PTPRZ1: variants seen among roughly 807,000 people sequenced by gnomAD.
The protein encoded by PTPRZ1 is receptor-type tyrosine-protein phosphatase zeta.
A neutral mutation model predicts 214.1 loss-of-function variants in PTPRZ1; 82 were observed. The observed-to-expected ratio is 0.38, with a 90% confidence interval of 0.32 to 0.46. The LOEUF (loss-of-function observed/expected upper bound fraction) is 0.46. PTPRZ1 is among the 20% of genes least tolerant of loss of function. The pLI is 1.00. For synonymous variants in PTPRZ1, 945 were observed against 987.9 expected (o/e 0.96, Z 0.81); for missense variants, 2,603 against 2,748.7 (o/e 0.95, Z 1.19).
chr7:121,948,856 C>T (rs1458947085), intron 2 of PTPRZ1, among the ~76,000 whole-genome samples: 1 of 151,686 alleles, frequency 6.6e-6, no homozygotes, highest in Non-Finnish European at 1.5e-5. Context: ...AGTGTTTTCA[C>T]CCAGAAAGTG....
intron 10 of PTPRZ1, among the ~76,000 whole-genome samples, chr7:122,001,261 ATT>A (rs1217421982): frequency 6.6e-6 from 1 of 152,172 alleles, no homozygotes; most frequent in Non-Finnish European, 1.5e-5. Flanking sequence ...AGGAATGTAT[ATT>A]CTTTTAAAAG....
rs1797821176 is a variant in PTPRZ1, at chr7:121,988,137, T to TAAAGA, written c.928+4020_928+4021insAAAGA. Among the ~76,000 whole-genome samples, 3 of 152,176 alleles carry TAAAGA rather than the reference T, an allele frequency of 2.0e-5. No individual in the cohort carries two copies. In the South Asian group the frequency reaches 6.2e-4, roughly 32 times the overall value. On this transcript the variant is annotated intron_variant, in intron 8 of 29. Transcript: ENST00000393386. The stretch of plus-strand genomic sequence containing the variant: ...TTTTAGTATTCTCATGTAACAAACC[T>TAAAGA]GCATATGTGCTCTTCTATCTAAAAT...
intron 2 of PTPRZ1, among the ~76,000 whole-genome samples, chr7:121,948,003 A>G (rs1295802569): frequency 6.6e-6 from 1 of 152,142 alleles, no homozygotes; most frequent in Non-Finnish European, 1.5e-5. Context: ...CACATTTGTG[A>G]AATGCATTTT....
chr7:122,031,377 A>G, intron 14 of PTPRZ1, 97 bp from the exon 15 acceptor site: 1 of 830,770 alleles, frequency 1.2e-6, no homozygotes, highest in Non-Finnish European at 2.0e-6. Flanking sequence ...AGAATTATAC[A>G]AATAATTGAA....
At chr7:121,913,090 A>G (rs1288360110) in intron 1 of PTPRZ1, among the ~76,000 whole-genome samples, 1 of 152,188 alleles carries the variant, frequency 6.6e-6, no homozygotes, top group East Asian at 1.9e-4. Context: ...ATGACACAGT[A>G]AACAAATATT....
At chr7:122,032,928 A>G (rs1041005895) in intron 15 of PTPRZ1, among the ~76,000 whole-genome samples, 2 of 152,230 alleles carry the variant, frequency 1.3e-5, no homozygotes, top group Admixed American at 1.3e-4. Flanking sequence ...TATAGTGTTA[A>G]CTCAATGTTA....
chr7:121,918,495 A>T (rs1795491556), intron 1 of PTPRZ1, among the ~76,000 whole-genome samples: 1 of 152,120 alleles, frequency 6.6e-6, no homozygotes, highest in South Asian at 2.1e-4. Flanking sequence ...CTATTATTTC[A>T]TAAGCTTAAC....
chr7:122,050,055 C>G (rs1283973594), intron 23 of PTPRZ1, among the ~76,000 whole-genome samples: 2 of 152,134 alleles, frequency 1.3e-5, no homozygotes, highest in African/African-American at 4.8e-5. Context: ...CATTGTATCT[C>G]TACCACTCCT....
intron 13 of PTPRZ1, among the ~76,000 whole-genome samples, chr7:122,021,126 A>G (rs988960501): frequency 2.0e-5 from 3 of 151,884 alleles, no homozygotes; most frequent in African/African-American, 7.3e-5. Flanking sequence ...CAAAGTTCCA[A>G]TAAAGATGTC....
At chr7:122,045,904 T>G (rs1217483868) in intron 23 of PTPRZ1, among the ~76,000 whole-genome samples, 1 of 152,112 alleles carries the variant, frequency 6.6e-6, no homozygotes, top group African/African-American at 2.4e-5. Flanking sequence ...GGAAATGTAT[T>G]TGTGTGTATG....
At chr7:121,884,279 T>C (rs962070511) in intron 1 of PTPRZ1, among the ~76,000 whole-genome samples, 1 of 152,112 alleles carries the variant, frequency 6.6e-6, no homozygotes, top group Non-Finnish European at 1.5e-5. Context: ...GTATGTTATA[T>C]GGAAACATAT....
chr7:122,035,253 A>G (rs1298603853), intron 17 of PTPRZ1, among the ~76,000 whole-genome samples: 1 of 152,136 alleles, frequency 6.6e-6, no homozygotes, highest in Non-Finnish European at 1.5e-5. Flanking sequence ...TACTATCATG[A>G]TCTCTTATAT....
At chr7:122,034,442 T>G (rs1471956855) in intron 17 of PTPRZ1, 64 bp downstream of exon 17, 19 of 1,447,118 alleles carry the variant, frequency 1.3e-5, no homozygotes, top group Non-Finnish European at 1.6e-5. Flanking sequence ...CTTTTAAAAG[T>G]GTCCTGAAGT....
At chr7:121,930,808 T>C (rs1795897720) in intron 2 of PTPRZ1, among the ~76,000 whole-genome samples, 2 of 152,188 alleles carry the variant, frequency 1.3e-5, no homozygotes, top group Non-Finnish European at 2.9e-5. Flanking sequence ...TGTCTTCTTT[T>C]CCTACGAAAG....
At chr7:121,993,117 T>C (rs1371032754) in intron 8 of PTPRZ1, among the ~76,000 whole-genome samples, 6 of 152,206 alleles carry the variant, frequency 3.9e-5, no homozygotes, top group Non-Finnish European at 8.8e-5. Flanking sequence ...GAACTCCTCA[T>C]GATCAGGAAA....
At chr7:122,038,924 A>G (rs1211548014) in intron 19 of PTPRZ1, 35 bp downstream of exon 19, 2 of 1,607,858 alleles carry the variant, frequency 1.2e-6, no homozygotes, top group African/African-American at 2.7e-5. Flanking sequence ...CCCCCAAAAA[A>G]GTAATTAGAG....
intron 15 of PTPRZ1, among the ~76,000 whole-genome samples, chr7:122,032,441 C>T (rs1799407978): frequency 6.6e-6 from 1 of 152,166 alleles, no homozygotes; most frequent in South Asian, 2.1e-4. Context: ...TCCACTGTAG[C>T]TGTAAGCAGG....
chr7:121,984,186 C>T, intron 8 of PTPRZ1, 69 bp downstream of exon 8: 1 of 1,385,912 alleles, frequency 7.2e-7, no homozygotes, highest in South Asian at 1.5e-5. Context: ...TTTTGGTAAA[C>T]TGACAAATAT....
intron 1 of PTPRZ1, among the ~76,000 whole-genome samples, chr7:121,899,874 A>G (rs749239652): frequency 7.2e-5 from 11 of 152,188 alleles, no homozygotes; most frequent in Non-Finnish European, 1.2e-4. Flanking sequence ...AAACTCTAGC[A>G]ATAGTATTTA....
Sources: allele counts gnomAD v4.1 joint callset (sites outside exome capture counted in the v4.1 genomes callset), GRCh38; gene constraint gnomAD v4.1.1; transcripts MANE v1.5; gene names NCBI Gene and HGNC (gene_info 2026-07-23, HGNC 2026-07-21).